The following LIPA variants were observed in gnomAD, a reference collection of about 807,000 sequenced individuals.
The protein encoded by LIPA is lipase A, lysosomal acid type, also known as lysosomal acid lipase/cholesteryl ester hydrolase.
Under a neutral mutation model 40.6 loss-of-function variants are expected in LIPA, and 26 were observed. The ratio of observed to expected loss-of-function variants is 0.64; its 90% CI spans 0.47 to 0.89. LIPA has a LOEUF of 0.89. Among genes scored for constraint, LIPA ranks in the 40% least tolerant of loss-of-function variants. LIPA has a pLI of 0.00. For missense variants in LIPA, 455 were observed against 479.6 expected, an observed-to-expected ratio of 0.95 and a Z score of 0.48; for synonymous variants, 188 against 168.4, an observed-to-expected ratio of 1.12 and a Z score of -0.90.
chr10:89,323,218 A>C (rs1437510469), intron 1 of LIPA, among the ~76,000 whole-genome samples: 1 of 152,216 alleles, frequency 6.6e-6, no homozygotes, highest in Non-Finnish European at 1.5e-5. Flanking sequence ...GATACAGAAA[A>C]GGCTTTTGAT....
At chr10:89,384,478 G>A (rs1362666224) in intron 2 of LIPA, 3 of 1,614,132 alleles carry the variant, frequency 1.9e-6, no homozygotes, top group Non-Finnish European at 2.5e-6. Flanking sequence ...CCGTTTCCAA[G>A]AACATCATGG....
intron 2 of LIPA, among the ~76,000 whole-genome samples, chr10:89,246,591 C>A (rs571409298): frequency 2.0e-5 from 3 of 152,182 alleles, no homozygotes; most frequent in African/African-American, 7.2e-5. Context: ...AATTTCTCTG[C>A]GAGTCCCTAA....
chr10:89,347,943 T>C (rs546761190), intron 2 of LIPA, among the ~76,000 whole-genome samples: 101 of 152,306 alleles, frequency 6.6e-4, no homozygotes, highest in African/African-American at 2.4e-3. Flanking sequence ...ACCCCCACCA[T>C]GTGGCCTTCC....
At chr10:89,361,024 C>G (rs1279723163) in intron 2 of LIPA, among the ~76,000 whole-genome samples, 1 of 152,170 alleles carries the variant, frequency 6.6e-6, no homozygotes, top group Admixed American at 6.5e-5. Flanking sequence ...CTCATTTCCT[C>G]TCCTTATGAG....
At chr10:89,245,425 T>A (rs1320161703) in intron 3 of LIPA, among the ~76,000 whole-genome samples, 2 of 152,174 alleles carry the variant, frequency 1.3e-5, no homozygotes, top group Admixed American at 6.5e-5. Context: ...ATACACTTCC[T>A]TAAAAAAACA....
intron 2 of LIPA, among the ~76,000 whole-genome samples, chr10:89,386,107 A>G: frequency 6.6e-6 from 1 of 152,154 alleles, no homozygotes; most frequent in African/African-American, 2.4e-5. Context: ...AAGCACAGTC[A>G]TAGCACGCTG....
chr10:89,290,579 G>GA (rs1843368336), intron 1 of LIPA, among the ~76,000 whole-genome samples: 1 of 152,130 alleles, frequency 6.6e-6, no homozygotes, highest in Non-Finnish European at 1.5e-5. Flanking sequence ...TGAAGTAACT[G>GA]AAGAATCACA....
chr10:89,237,004 T>C (rs1842913149), intron 3 of LIPA, among the ~76,000 whole-genome samples: 1 of 152,232 alleles, frequency 6.6e-6, no homozygotes, highest in South Asian at 2.1e-4. Context: ...CCAGGCACGG[T>C]GGCTTATGTT....
At chr10:89,264,267 G>A (rs1843224303) in intron 1 of LIPA, among the ~76,000 whole-genome samples, 1 of 152,196 alleles carries the variant, frequency 6.6e-6, no homozygotes. Flanking sequence ...AATGAAATAT[G>A]CAGACGACTG....
intron 1 of LIPA, among the ~76,000 whole-genome samples, chr10:89,260,028 T>C (rs1843199452): frequency 1.3e-5 from 2 of 152,234 alleles, no homozygotes; most frequent in African/African-American, 4.8e-5. Flanking sequence ...TTTAAATATG[T>C]GCAGTTTAAT....
intron 8 of LIPA, 118 bp downstream of exon 8, chr10:89,222,392 GA>G (rs1842710740): frequency 2.9e-5 from 22 of 753,994 alleles, no homozygotes; most frequent in South Asian, 2.8e-4. Context: ...GGACTCTGGG[GA>G]AGAAAACCAG....
intron 2 of LIPA, among the ~76,000 whole-genome samples, chr10:89,354,569 T>C (rs1268975849): frequency 6.6e-6 from 1 of 152,210 alleles, no homozygotes; most frequent in East Asian, 1.9e-4. Context: ...AGTTTTGTTC[T>C]TGTTTTTGTT....
intron 2 of LIPA, among the ~76,000 whole-genome samples, chr10:89,374,397 T>A (rs1844109175): frequency 6.6e-6 from 1 of 152,180 alleles, no homozygotes; most frequent in Non-Finnish European, 1.5e-5. Flanking sequence ...ATTGTTGCTC[T>A]GTCCTGTGTG....
intron 1 of LIPA, among the ~76,000 whole-genome samples, chr10:89,285,812 C>G (rs1843338608): frequency 6.6e-6 from 1 of 151,736 alleles, no homozygotes; most frequent in Admixed American, 6.6e-5. Context: ...GACAAACACC[C>G]CACCCCTTCC....
upstream of LIPA, among the ~76,000 whole-genome samples, chr10:89,252,547 C>G (rs1190423315): frequency 2.0e-5 from 3 of 152,184 alleles, no homozygotes; most frequent in African/African-American, 7.2e-5. Context: ...GTGGCTCACG[C>G]CTGTAATCCC....
At chr10:89,410,250 G>A (rs1841458094) in intron 2 of LIPA, among the ~76,000 whole-genome samples, 1 of 152,190 alleles carries the variant, frequency 6.6e-6, no homozygotes, top group Non-Finnish European at 1.5e-5. Context: ...GGTGCCAAAG[G>A]AAGTTTATGG....
chr10:89,318,931 A>G (rs1323742565), intron 1 of LIPA, among the ~76,000 whole-genome samples: 1 of 152,232 alleles, frequency 6.6e-6, no homozygotes, highest in Non-Finnish European at 1.5e-5. Flanking sequence ...GCTCAACTAC[A>G]TGGAAACTGA....
In LIPA at chr10:89,247,486, T is replaced by C. The variant is rs555562497; in HGVS notation, c.111+52A>G. On this transcript the variant is annotated intron_variant, in intron 2 of 9. Transcript: ENST00000336233. The stretch of plus-strand genomic sequence containing the variant: ...TATGGCTTCATGTAGCTCACATAAC[T>C]GGATCGGGGAAATAGATGCATTTTA... 4.7e-6 allele frequency: 5 copies of C among 1,054,516 alleles called. No homozygotes were observed. The East Asian group carries it at 7.3e-5, about 15-fold the overall frequency. The allele number at this position is 1,054,516 out of a possible 1,614,324, so 65.3% of individuals were successfully genotyped here.
Position 89,250,107 on chromosome 10 carries a change from C to CTTTTTTTTTTTTTTTTTTT in LIPA, c.-2+1629_-2+1630insAAAAAAAAAAAAAAAAAAA, listed in dbSNP as rs398038546. Among the ~76,000 whole-genome samples, 146 of 96,040 alleles carry CTTTTTTTTTTTTTTTTTTT rather than the reference C, an allele frequency of 1.5e-3. 5 individuals carry two copies. The highest frequency in any genetic ancestry group is 3.2e-3 in the African/African-American group (71 of 21,960). 63.0% of individuals were successfully genotyped at this position (96,040 alleles called of 152,430 possible). ...TTTTTCTTTTTCTTTTCTTTTCTTTCTTTTTTTTTTTTGAGACAGTCTTGC... is the reference window on the plus strand; with the variant it reads ...TTTTTCTTTTTCTTTTCTTTTCTTTCTTTTTTTTTTTTTTTTTTTTTTTTTTTTTTTGAGACAGTCTTGC... On this transcript the variant is annotated intron_variant, in intron 1 of 9. Transcript: ENST00000336233.
Sources: gnomAD v4.1 joint callset for allele counts (sites outside exome capture counted in the v4.1 genomes callset) on GRCh38, gnomAD v4.1.1 for gene constraint, MANE v1.5 for transcripts, NCBI Gene and HGNC (gene_info 2026-07-23, HGNC 2026-07-21) for gene names.